NAA15: variants seen among roughly 807,000 people sequenced by gnomAD.
The protein encoded by NAA15 is N-terminal acetyltransferase.
Under a neutral mutation model 114.0 loss-of-function variants are expected in NAA15, and 34 were observed. That is an observed-to-expected ratio of 0.30 (90% confidence interval 0.23 to 0.40). The LOEUF is 0.40. Ranked by LOEUF, NAA15 falls within the 10% of genes least tolerant of loss-of-function variation. The probability of loss-of-function intolerance (pLI) is 1.00; values close to 1 mark genes in which losing one functional copy is unlikely to be tolerated. For synonymous variants in NAA15, 340 were observed against 338.0 expected (o/e 1.01, Z -0.06); for missense variants, 658 against 1,004.5 (o/e 0.66, Z 4.66).
intron 1 of NAA15, among the ~76,000 whole-genome samples, chr4:139,315,991 CTT>C (rs1746400403): frequency 6.6e-6 from 1 of 151,010 alleles, no homozygotes; most frequent in African/African-American, 2.4e-5. Context: ...TTTTCTGTCT[CTT>C]TTCCTGTGAT....
chr4:139,315,415 A>C (rs915597469), intron 1 of NAA15, among the ~76,000 whole-genome samples: 1 of 151,792 alleles, frequency 6.6e-6, no homozygotes, highest in Non-Finnish European at 1.5e-5. Context: ...GCTACTTGGC[A>C]GGCTGAGGTG....
Position 139,354,022 on chromosome 4 carries a change from C to T in NAA15, c.1015-4C>T, listed in dbSNP as rs1747863271. 6.2e-7 allele frequency: 1 copy of T among 1,610,946 alleles called. No individual in the cohort carries two copies. Among genetic ancestry groups the T allele is most frequent in the East Asian group, 2.2e-5 (1 of 44,788 alleles). On this transcript the variant is annotated splice_region_variant and splice_polypyrimidine_tract_variant and intron_variant, in intron 9 of 19. Coordinates refer to ENST00000296543, the MANE Select transcript of NAA15 (RefSeq NM_057175.5). ...TAAAGTGTGTTTGTGTGTTTGTACT[C>T]TAGGTGGCAATCATAGAAGAGTTAG...
intron 1 of NAA15, among the ~76,000 whole-genome samples, chr4:139,307,792 G>C (rs955139340): frequency 6.6e-6 from 1 of 152,038 alleles, no homozygotes; most frequent in African/African-American, 2.4e-5. Context: ...GCTAGTGTTA[G>C]TTACAGTCTG....
At position 139,384,920 on chromosome 4, in the gene NAA15, G is replaced by C. The variant is rs774933629; in HGVS notation, c.2244G>C (p.Lys748Asn). The C allele has an allele frequency of 6.4e-7, 1 of 1,567,742 alleles. No homozygotes were observed. The highest frequency in any genetic ancestry group is 1.2e-5 in the South Asian group (1 of 81,416). Residue 748 changes from lysine (K) to asparagine (N), a missense_variant, in exon 18 of 20, where the codon AAG becomes AAC. Physicochemically the swap from Lys to Asn is moderately conservative, Grantham distance 94 (BLOSUM62 0). Transcript: ENST00000296543. ...GTCTTTTTGGAGCAACGAATCCAAA[G>C]AATTTTAATGAAACTTTTCTGAAAA... is the stretch of plus-strand genomic sequence containing the variant. ...MNRLFGATNPKNFNETFLKRN... is the reference protein window; with the variant it reads ...MNRLFGATNPNNFNETFLKRN...
At chr4:139,321,899 C>CT (rs1223031871) in intron 1 of NAA15, among the ~76,000 whole-genome samples, 4 of 151,908 alleles carry the variant, frequency 2.6e-5, no homozygotes, top group African/African-American at 4.8e-5. Context: ...ATTTCTGACT[C>CT]TTTTTTTATT....
At chr4:139,346,459 G>C (rs1477599553) in intron 6 of NAA15, among the ~76,000 whole-genome samples, 1 of 152,148 alleles carries the variant, frequency 6.6e-6, no homozygotes, top group African/African-American at 2.4e-5. Context: ...AGGCAGTGTT[G>C]CTGGTAGGGA....
At chr4:139,326,618 C>A (rs1015893989) in intron 1 of NAA15, among the ~76,000 whole-genome samples, 1 of 152,046 alleles carries the variant, frequency 6.6e-6, no homozygotes, top group African/African-American at 2.4e-5. Flanking sequence ...TAAATTTTTC[C>A]GTTCATAGTG....
intron 1 of NAA15, among the ~76,000 whole-genome samples, chr4:139,318,806 A>G (rs150194049): frequency 8.9e-4 from 136 of 152,154 alleles, no homozygotes; most frequent in African/African-American, 3.0e-3. Context: ...GTGAGCCAAG[A>G]TCGCGCCACT....
intron 9 of NAA15, among the ~76,000 whole-genome samples, chr4:139,351,878 G>A (rs1307289207): frequency 6.6e-6 from 1 of 151,162 alleles, no homozygotes; most frequent in Non-Finnish European, 1.5e-5. Flanking sequence ...AAGTTGATAA[G>A]GTAATAATTT....
At chr4:139,317,385 C>T (rs1011094932) in intron 1 of NAA15, among the ~76,000 whole-genome samples, 4 of 151,902 alleles carry the variant, frequency 2.6e-5, no homozygotes, top group East Asian at 3.9e-4. Flanking sequence ...GCACTTTGGG[C>T]GGCCGAGGCG....
Position 139,370,775 on chromosome 4 carries a change from G to A in NAA15, c.1947+371G>A, listed in dbSNP as rs527974429. Among the ~76,000 whole-genome samples, 4 of 152,120 alleles carry A rather than the reference G, an allele frequency of 2.6e-5. No homozygotes were observed. In the South Asian group the frequency reaches 8.3e-4, roughly 32 times the overall value. On this transcript the variant is annotated intron_variant, in intron 15 of 19. Coordinates refer to ENST00000296543, the MANE Select transcript of NAA15 (RefSeq NM_057175.5). ...ATGGAACTAAGAAAATCCTTATTTA[G>A]GACTGGAGAAAATACATATGTAAAG...
intron 13 of NAA15, among the ~76,000 whole-genome samples, chr4:139,361,496 A>G (rs1748129884): frequency 6.6e-6 from 1 of 152,166 alleles, no homozygotes; most frequent in Non-Finnish European, 1.5e-5. Flanking sequence ...TTCCTTTTTC[A>G]ACAAATGATT....
At chr4:139,358,862 A>C (rs1748048235) in intron 11 of NAA15, among the ~76,000 whole-genome samples, 1 of 152,070 alleles carries the variant, frequency 6.6e-6, no homozygotes, top group Non-Finnish European at 1.5e-5. Context: ...CATGCCTGTA[A>C]TCCCAGCACT....
intron 5 of NAA15, among the ~76,000 whole-genome samples, chr4:139,343,433 A>G (rs1339833596): frequency 6.6e-6 from 1 of 152,240 alleles, no homozygotes; most frequent in Non-Finnish European, 1.5e-5. Context: ...GCAGGATCCA[A>G]TTAAGAATCA....
Position 139,361,947 on chromosome 4 carries a change from TC to T in NAA15, c.1753+11del, listed in dbSNP as rs754864991. The T allele has an allele frequency of 9.4e-5, 148 of 1,579,406 alleles. No individual in the cohort carries two copies. Among genetic ancestry groups the T allele is most frequent in the Admixed American group, 2.5e-4 (15 of 59,040 alleles). ...CACGAAGCTGATACAGGTATAATAT[TC>T]AGAGTTCTTCTTGTGCTCTGATGTG... On this transcript the variant is annotated intron_variant, in intron 14 of 19. Transcript: ENST00000296543.
rs35581039 is a variant in NAA15, at chr4:139,371,497, GCACACACA to G, written c.1947+1131_1947+1138del. On this transcript the variant is annotated intron_variant, in intron 15 of 19. Coordinates refer to ENST00000296543, the MANE Select transcript of NAA15 (RefSeq NM_057175.5). ...CTTAAAAAAAAAAAAAAGAAAAGTA[GCACACACA>G]CACACACACACACACACACACACAC... Among the ~76,000 whole-genome samples the G allele has an allele frequency of 2.1e-3, 234 of 113,676 alleles. 1 individual carries two copies. Among genetic ancestry groups the G allele is most frequent in the South Asian group, 7.6e-3 (21 of 2,778 alleles). The allele number at this position is 113,676 out of a possible 152,430, so 74.6% of individuals were successfully genotyped here. A position where few individuals can be genotyped will look rare whatever the true frequency, so the allele number is the denominator to read the frequency against.
chr4:139,305,075 A>G (rs749434847), intron 1 of NAA15, among the ~76,000 whole-genome samples: 2 of 152,196 alleles, frequency 1.3e-5, no homozygotes, highest in African/African-American at 2.4e-5. Context: ...GGGCTACTAC[A>G]TCCAGCTAAT....
intron 17 of NAA15, among the ~76,000 whole-genome samples, chr4:139,384,626 A>G (rs1219815733): frequency 6.6e-6 from 1 of 151,354 alleles, no homozygotes. Flanking sequence ...GTGGTGGTGC[A>G]CACCTGAAGT....
intron 14 of NAA15, among the ~76,000 whole-genome samples, chr4:139,368,638 A>G (rs1748349501): frequency 6.6e-6 from 1 of 152,188 alleles, no homozygotes; most frequent in South Asian, 2.1e-4. Context: ...ATGTCCTAAT[A>G]TTAATGTTAC....
Sources: allele counts gnomAD v4.1 joint callset (sites outside exome capture counted in the v4.1 genomes callset), GRCh38; gene constraint gnomAD v4.1.1; transcripts MANE v1.5; gene names NCBI Gene and HGNC (gene_info 2026-07-23, HGNC 2026-07-21).